KDM7A: variants seen among roughly 807,000 people sequenced by gnomAD.
The protein encoded by KDM7A is lysine demethylase 7A.
KDM7A carries 28 observed loss-of-function variants against 114.8 expected under a neutral mutation model. The ratio of observed to expected loss-of-function variants is 0.24; its 90% CI spans 0.18 to 0.33. KDM7A has a LOEUF of 0.33. Ranked by LOEUF, KDM7A falls within the 10% of genes least tolerant of loss-of-function variation. The pLI is 1.00. For synonymous variants in KDM7A, 423 were observed against 397.8 expected, an observed-to-expected ratio of 1.06 and a Z score of -0.75; for missense variants, 942 against 1,142.5, an observed-to-expected ratio of 0.82 and a Z score of 2.53.
intron 9 of KDM7A, among the ~76,000 whole-genome samples, chr7:140,118,012 C>T (rs1818559632): frequency 6.6e-6 from 1 of 152,184 alleles, no homozygotes; most frequent in Admixed American, 6.5e-5. Flanking sequence ...TCTGTACATC[C>T]TATCTTGGGA....
intron 1 of KDM7A, among the ~76,000 whole-genome samples, chr7:140,159,965 A>G (rs1271560375): frequency 6.7e-6 from 1 of 149,142 alleles, no homozygotes; most frequent in African/African-American, 2.5e-5. Flanking sequence ...AAAAAAAAAA[A>G]CCTGTACCCT....
At chr7:140,100,679 T>TATATATATATATATATATATATACAC (rs1192609907) in intron 12 of KDM7A, among the ~76,000 whole-genome samples, 2 of 63,996 alleles carry the variant, frequency 3.1e-5, no homozygotes, top group Non-Finnish European at 5.8e-5. Flanking sequence ...TATATATATA[T>TATATATATATATATATATATATACAC]ACATATATAC....
chr7:140,106,305 T>G (rs891670119), intron 11 of KDM7A, among the ~76,000 whole-genome samples: 14 of 152,222 alleles, frequency 9.2e-5, no homozygotes, highest in African/African-American at 3.4e-4. Context: ...GCTCTGATCT[T>G]AGTTATTTCT....
rs1284737598 is a variant in KDM7A, at chr7:140,119,188, G to T, written c.1171C>A (p.Pro391Thr). ...AAGAAAGGGAATTTGAAAAGATCTGGTGTTTTTAGCCTTTTCTCCATCTCA... is the reference window on the plus strand; with the variant it reads ...AAGAAAGGGAATTTGAAAAGATCTGTTGTTTTTAGCCTTTTCTCCATCTCA... ...CYEMEKRLKTPDLFKFPFFEA... is the reference protein window; with the variant it reads ...CYEMEKRLKTTDLFKFPFFEA... Residue 391 changes from proline to threonine, a missense_variant, in exon 9 of 20, where the codon CCA becomes ACA. By Grantham distance (38) the Pro-to-Thr change is conservative (BLOSUM62 -1). Coordinates refer to ENST00000397560, the MANE Select transcript of KDM7A (RefSeq NM_030647.2). The T allele has an allele frequency of 6.2e-7, 1 of 1,607,604 alleles. No individual in the cohort carries two copies. Among genetic ancestry groups the T allele is most frequent in the Non-Finnish European group, 8.5e-7 (1 of 1,175,696 alleles).
rs1164167790 is a variant in KDM7A at position 140,087,245 on chromosome 7, C to G, written c.*3849G>C. ...CTTTATCTAGTACCTGAAGAGTATGCTGAATCTGTGGGGATGGTACTTTCC... is the reference window on the plus strand; with the variant it reads ...CTTTATCTAGTACCTGAAGAGTATGGTGAATCTGTGGGGATGGTACTTTCC... On this transcript the variant is annotated 3_prime_UTR_variant, in exon 20 of 20. Transcript: ENST00000397560. The G allele has an allele frequency of 1.3e-5, 2 of 152,156 alleles. No homozygotes were observed. The highest frequency in any genetic ancestry group is 2.9e-5 in the Non-Finnish European group (2 of 68,016). 9.4% of individuals were successfully genotyped at this position (152,156 alleles called of 1,614,324 possible).
chr7:140,149,687 A>G (rs576655062), intron 1 of KDM7A, among the ~76,000 whole-genome samples: 1 of 152,358 alleles, frequency 6.6e-6, no homozygotes, highest in African/African-American at 2.4e-5. Context: ...TTGTGGAGAT[A>G]AAGACTATTC....
chr7:140,091,631 T>C (rs1007420118), intron 19 of KDM7A, among the ~76,000 whole-genome samples, 173 bp downstream of exon 19: 2 of 152,180 alleles, frequency 1.3e-5, no homozygotes, highest in Non-Finnish European at 2.9e-5. Context: ...CAGAGCTGAC[T>C]TGGGTATCCT....
At chr7:140,112,542 C>A (rs892665016) in intron 10 of KDM7A, among the ~76,000 whole-genome samples, 5 of 151,182 alleles carry the variant, frequency 3.3e-5, no homozygotes, top group Non-Finnish European at 7.4e-5. Context: ...ACCCAGGAGG[C>A]GTAGGTTGCA....
chr7:140,131,333 A>C (rs1818783219), intron 3 of KDM7A, among the ~76,000 whole-genome samples: 1 of 152,088 alleles, frequency 6.6e-6, no homozygotes, highest in African/African-American at 2.4e-5. Flanking sequence ...TAATCTCCCA[A>C]TTGCTCTACA....
intron 3 of KDM7A, 82 bp from the exon 4 acceptor site, chr7:140,129,735 C>T: frequency 1.3e-6 from 1 of 795,678 alleles, no homozygotes; most frequent in Non-Finnish European, 2.1e-6. Context: ...TGGGTTAATT[C>T]ATATACTGGA....
rs540286812 is a variant in KDM7A at position 140,161,729 on chromosome 7, A to G, written c.194+15015T>C. On this transcript the variant is annotated intron_variant, in intron 1 of 19. Transcript: ENST00000397560. ...CCAGCTAATTTTTTGTATTTTTAGT[A>G]GAGACGGGGTTTCACCGTGTTGGCC... 7.9e-5 allele frequency among the ~76,000 whole-genome samples: 12 copies of G among 151,982 alleles called. No homozygotes were observed. In the East Asian group the frequency reaches 2.0e-3, roughly 25 times the overall value.
chr7:140,100,162 C>T (rs1818178309), intron 12 of KDM7A, 139 bp from the exon 13 acceptor site: 1 of 787,280 alleles, frequency 1.3e-6, no homozygotes, highest in East Asian at 2.5e-5. Flanking sequence ...TGGGGATATG[C>T]AGCAGTATGG....
rs897693769 is a variant in KDM7A, at chr7:140,163,997, T to C, written c.194+12747A>G. Among the ~76,000 whole-genome samples, 4 of 152,196 alleles carry C rather than the reference T, an allele frequency of 2.6e-5. No individual in the cohort carries two copies. In the East Asian group the frequency reaches 7.7e-4, roughly 29 times the overall value. On this transcript the variant is annotated intron_variant, in intron 1 of 19. Coordinates refer to ENST00000397560, the MANE Select transcript of KDM7A (RefSeq NM_030647.2). ...AACTGCCATGAATGGATATTGGCATTGATCAATGGCAGCCAGCATGACAAA... is the reference window on the plus strand; with the variant it reads ...AACTGCCATGAATGGATATTGGCATCGATCAATGGCAGCCAGCATGACAAA...
intron 4 of KDM7A, among the ~76,000 whole-genome samples, chr7:140,128,938 T>C (rs956287122): frequency 6.6e-6 from 1 of 152,240 alleles, no homozygotes. Flanking sequence ...CATGTCTTTC[T>C]GTTTCTTTGG....
chr7:140,099,246 G>C (rs1217828981), intron 13 of KDM7A, among the ~76,000 whole-genome samples: 1 of 152,186 alleles, frequency 6.6e-6, no homozygotes, highest in Admixed American at 6.5e-5. Flanking sequence ...CCTGGCTGGA[G>C]TGCAGTGGCA....
chr7:140,102,731 G>C (rs752595510), intron 11 of KDM7A, among the ~76,000 whole-genome samples: 1 of 152,124 alleles, frequency 6.6e-6, no homozygotes, highest in Non-Finnish European at 1.5e-5. Context: ...TTAATTTTCT[G>C]ACCTAATACT....
intron 6 of KDM7A, 116 bp downstream of exon 6, chr7:140,126,516 TAAAAA>T: frequency 2.5e-6 from 1 of 406,842 alleles, no homozygotes; most frequent in Non-Finnish European, 4.1e-6. Context: ...GGTTAAAAAG[TAAAAA>T]AAAAAAAAAA....
chr7:140,122,979 G>A (rs948681707), intron 7 of KDM7A, among the ~76,000 whole-genome samples: 1 of 152,234 alleles, frequency 6.6e-6, no homozygotes, highest in Non-Finnish European at 1.5e-5. Context: ...TATGGGTCTA[G>A]TACAGAGAAT....
chr7:140,147,439 A>G (rs1276439129), intron 1 of KDM7A, among the ~76,000 whole-genome samples: 2 of 152,214 alleles, frequency 1.3e-5, no homozygotes, highest in African/African-American at 4.8e-5. Context: ...TGTAAAGTAC[A>G]ACTTTCATCT....
Sources: allele counts gnomAD v4.1 joint callset (sites outside exome capture counted in the v4.1 genomes callset), GRCh38; gene constraint gnomAD v4.1.1; transcripts MANE v1.5; gene names NCBI Gene and HGNC (gene_info 2026-07-23, HGNC 2026-07-21).